The following NOTCH2NLR variants were observed in gnomAD, a reference collection of about 807,000 sequenced individuals.
NOTCH2NLR encodes notch 2 N-terminal like R (pseudogene).
NOTCH2NLR carries 33 observed loss-of-function variants against 35.6 expected under a neutral mutation model. That is an observed-to-expected ratio of 0.93 (90% confidence interval 0.70 to 1.24). The LOEUF (loss-of-function observed/expected upper bound fraction) is 1.24. NOTCH2NLR is among the 50% of genes most tolerant of loss of function. The pLI, the probability that NOTCH2NLR is intolerant of heterozygous loss-of-function variation, is 0.00. For missense variants in NOTCH2NLR, 276 were observed against 362.2 expected, an observed-to-expected ratio of 0.76 and a Z score of 1.93; for synonymous variants, 103 against 141.0, an observed-to-expected ratio of 0.73 and a Z score of 1.91.
chr1:120,724,160 G>A (rs1650787161), exon 1 of NOTCH2NLR: 2 of 1,381,712 alleles, frequency 1.4e-6, no homozygotes, highest in East Asian at 2.5e-5. Context: ...GGAGGAGGAG[G>A]AGGAGGCGAC....
rs1312964858 is a variant in NOTCH2NLR at position 120,730,552 on chromosome 1, G to A, written c.73+6302G>A. ...TGAGACGGGACAAACTGCATCACTG[G>A]TAGTGGTAGGAGGTTTGCCGTAGAT... On this transcript the variant is annotated intron_variant, in intron 1 of 4. Coordinates refer to ENST00000624419, the Ensembl canonical transcript of NOTCH2NLR. Among the ~76,000 whole-genome samples, 5 of 107,394 alleles carry A rather than the reference G, an allele frequency of 4.7e-5. 2 individuals carry two copies. Among genetic ancestry groups the A allele is most frequent in the African/African-American group, 1.2e-4 (2 of 16,688 alleles). The allele number at this position is 107,394 out of a possible 152,430, so 70.5% of individuals were successfully genotyped here. A position where few individuals can be genotyped will look rare whatever the true frequency, so the allele number is the denominator to read the frequency against.
chr1:120,785,164 C>A, exon 3 of NOTCH2NLR: 1 of 1,446,400 alleles, frequency 6.9e-7, no homozygotes, highest in South Asian at 1.2e-5. Flanking sequence ...TCGACCTTGC[C>A]TGAATGGCGG....
chr1:120,784,797 G>A lies in NOTCH2NLR; in HGVS notation c.156-177G>A, dbSNP rs1429536758. On this transcript the variant is annotated intron_variant, in intron 2 of 4. Coordinates refer to ENST00000624419, the Ensembl canonical transcript of NOTCH2NLR. ...AGGACTCAAAAGGACATGGGAGTAC[G>A]TGGTTAAGTTCTCTAAGGACTCTTT... Among the ~76,000 whole-genome samples the A allele has an allele frequency of 1.3e-4, 15 of 119,040 alleles. 5 individuals carry two copies. The highest frequency in any genetic ancestry group is 2.1e-4 in the East Asian group (1 of 4,784). The allele number at this position is 119,040 out of a possible 152,430, so 78.1% of individuals were successfully genotyped here. A position where few individuals can be genotyped will look rare whatever the true frequency, so the allele number is the denominator to read the frequency against.
intron 2 of NOTCH2NLR, among the ~76,000 whole-genome samples, chr1:120,778,103 G>A: frequency 1.2e-5 from 1 of 84,058 alleles, no homozygotes; most frequent in Non-Finnish European, 2.1e-5. Context: ...CAGAGTAGGG[G>A]GGCAGGAAAC....
intron 2 of NOTCH2NLR, among the ~76,000 whole-genome samples, chr1:120,777,659 CTT>C (rs1222639788): frequency 5.5e-5 from 3 of 54,878 alleles, no homozygotes; most frequent in Non-Finnish European, 8.9e-5. Flanking sequence ...TTTTTTCTTT[CTT>C]TTTTTTTTGA....
intron 4 of NOTCH2NLR, 54 bp downstream of exon 4, chr1:120,793,550 G>T: frequency 9.1e-7 from 1 of 1,103,730 alleles, no homozygotes; most frequent in East Asian, 2.5e-5. Context: ...AGCACAGGAG[G>T]TAGTGGGTGT....
intron 2 of NOTCH2NLR, among the ~76,000 whole-genome samples, chr1:120,776,263 C>T (rs1394646605): frequency 8.8e-6 from 1 of 113,732 alleles, no homozygotes; most frequent in Non-Finnish European, 1.7e-5. Flanking sequence ...GGTATCAAGG[C>T]TGTTTTTCAC....
chr1:120,787,964 C>T (rs1298542665), intron 3 of NOTCH2NLR, among the ~76,000 whole-genome samples: 1 of 110,960 alleles, frequency 9.0e-6, no homozygotes, highest in Non-Finnish European at 1.7e-5. Flanking sequence ...TTGATGACTA[C>T]CTTCTTCTAC....
intron 2 of NOTCH2NLR, 78 bp from the exon 3 acceptor site, chr1:120,784,896 G>A: frequency 9.9e-7 from 1 of 1,008,284 alleles, no homozygotes; most frequent in South Asian, 1.4e-5. Flanking sequence ...TTCTTGATTG[G>A]ACTGTATTGT....
At chr1:120,723,947 C>G in exon 1 of NOTCH2NLR, 1 of 779,448 alleles carries the variant, frequency 1.3e-6, no homozygotes, top group Non-Finnish European at 1.7e-6. Context: ...AAAGTTTCAG[C>G]CAAACTTCCG....
chr1:120,752,705 G>A (rs1651039003), intron 1 of NOTCH2NLR, among the ~76,000 whole-genome samples: 1 of 52,258 alleles, frequency 1.9e-5, no homozygotes, highest in Non-Finnish European at 3.1e-5. Flanking sequence ...CTAGTAGCTG[G>A]GACTACAGGC....
chr1:120,790,290 A>G (rs1651470250), intron 3 of NOTCH2NLR, among the ~76,000 whole-genome samples: 2 of 111,118 alleles, frequency 1.8e-5, no homozygotes, highest in Non-Finnish European at 3.4e-5. Context: ...CTGGGATTAC[A>G]GGTGTGAGCC....
At chr1:120,733,203 G>T (rs1650882858) in intron 1 of NOTCH2NLR, among the ~76,000 whole-genome samples, 1 of 100,782 alleles carries the variant, frequency 9.9e-6, no homozygotes, top group African/African-American at 6.4e-5. Flanking sequence ...GTCAACACTA[G>T]GTTTTATTTT....
chr1:120,786,217 GA>G (rs1286506507), intron 3 of NOTCH2NLR, among the ~76,000 whole-genome samples: 1 of 59,994 alleles, frequency 1.7e-5, no homozygotes, highest in East Asian at 4.2e-4. Context: ...TCACCTTGTT[GA>G]CAGAAATACG....
In NOTCH2NLR at chr1:120,724,696, T is replaced by C. The variant is rs1212900378; in HGVS notation, c.73+446T>C. On this transcript the variant is annotated intron_variant, in intron 1 of 4. Coordinates refer to ENST00000624419, the Ensembl canonical transcript of NOTCH2NLR. ...GGCAGGGCCGCCAAGCCAAACGGCC[T>C]GCAGCTTCGCAGCCAGCCTCGCCTT... Among the ~76,000 whole-genome samples the C allele has an allele frequency of 4.0e-3, 502 of 124,748 alleles. 107 individuals carry two copies. The highest frequency in any genetic ancestry group is 6.0e-3 in the Non-Finnish European group (368 of 61,452). 81.8% of individuals were successfully genotyped at this position (124,748 alleles called of 152,430 possible). A position where few individuals can be genotyped will look rare whatever the true frequency, so the allele number is the denominator to read the frequency against.
At position 120,724,301 on chromosome 1, in the gene NOTCH2NLR, G is replaced by C; in HGVS notation, c.73+51G>C. 5.9e-6 allele frequency: 8 copies of C among 1,366,630 alleles called. 2 individuals carry two copies. Among genetic ancestry groups the C allele is most frequent in the Non-Finnish European group, 7.6e-6 (8 of 1,048,904 alleles). The allele number at this position is 1,366,630 out of a possible 1,614,324, so 84.7% of individuals were successfully genotyped here. ...TCCGCGGCGCCCGGGGCTGCCACCT[G>C]GGGCGACCCTTCTCCCCCTCAGTCC... On this transcript the variant is annotated intron_variant, in intron 1 of 4. Transcript: ENST00000624419.
intron 1 of NOTCH2NLR, among the ~76,000 whole-genome samples, chr1:120,758,210 T>C (rs1233027203): frequency 8.2e-6 from 1 of 121,704 alleles, no homozygotes. Flanking sequence ...TAAGGTAAGC[T>C]CTGATCTGGA....
At chr1:120,770,510 G>A (rs1419291679) in intron 2 of NOTCH2NLR, among the ~76,000 whole-genome samples, 1 of 116,080 alleles carries the variant, frequency 8.6e-6, no homozygotes, top group East Asian at 2.1e-4. Flanking sequence ...TTAAGTTTGA[G>A]TCCTGATTCC....
At chr1:120,785,294 C>A in intron 3 of NOTCH2NLR, 61 bp downstream of exon 3, 1 of 1,328,184 alleles carries the variant, frequency 7.5e-7, no homozygotes, top group Non-Finnish European at 1.0e-6. Flanking sequence ...TATTTAGCAT[C>A]TTTTAGATCA....
Sources: allele counts gnomAD v4.1 joint callset (sites outside exome capture counted in the v4.1 genomes callset), GRCh38; gene constraint gnomAD v4.1.1; transcripts MANE v1.5; gene names NCBI Gene and HGNC (gene_info 2026-07-23, HGNC 2026-07-21).